Variants in MGAT4C observed in about 807,000 individuals in gnomAD.
MGAT4C encodes the protein MGAT4 family member C.
MGAT4C carries 19 observed loss-of-function variants against 40.1 expected under a neutral mutation model. The observed-to-expected ratio is 0.47, with a 90% CI of 0.33 to 0.70. The LOEUF (loss-of-function observed/expected upper bound fraction) is 0.70. Ranked by LOEUF, MGAT4C falls within the 30% of genes least tolerant of loss-of-function variation. The pLI, the probability that MGAT4C is intolerant of heterozygous loss-of-function variation, is 0.02. For synonymous variants in MGAT4C, 181 were observed against 187.1 expected (o/e 0.97, Z 0.27); for missense variants, 491 against 563.2 (o/e 0.87, Z 1.30).
intron 1 of MGAT4C, among the ~76,000 whole-genome samples, chr12:86,815,953 T>TA (rs1230078385): frequency 6.6e-6 from 1 of 151,816 alleles, no homozygotes; most frequent in Non-Finnish European, 1.5e-5. Flanking sequence ...CTAAAGAACT[T>TA]ACTCTTGTAA....
At chr12:86,485,120 C>CA (rs1239151079) in intron 2 of MGAT4C, among the ~76,000 whole-genome samples, 3 of 152,270 alleles carry the variant, frequency 2.0e-5, no homozygotes, top group African/African-American at 7.2e-5. Flanking sequence ...ATACTAAACT[C>CA]AAAGAACAAT....
Position 86,130,625 on chromosome 12 carries a change from A to T in MGAT4C, c.-56-80902T>A, listed in dbSNP as rs112621134. ...TACAAAGAGTAAATATAAGATTAAA[A>T]TATTAATTTAGACTCCAGTAGAAGT... On this transcript the variant is annotated intron_variant, in intron 1 of 4. Transcript: ENST00000611864. 6.4e-3 allele frequency among the ~76,000 whole-genome samples: 977 copies of T among 152,152 alleles called. 6 individuals are homozygous for T. Among genetic ancestry groups the T allele is most frequent in the African/African-American group, 0.023 (940 of 41,570 alleles).
intron 2 of MGAT4C, among the ~76,000 whole-genome samples, chr12:86,648,217 G>GA (rs1318561777): frequency 1.3e-5 from 2 of 151,842 alleles, no homozygotes; most frequent in African/African-American, 4.8e-5. Flanking sequence ...TTATTGTGGA[G>GA]AAAAAATATT....
intron 2 of MGAT4C, chr12:86,011,769 A>G (rs906292830): frequency 8.5e-5 from 75 of 884,572 alleles, no homozygotes; most frequent in Non-Finnish European, 9.9e-5. Context: ...AGGAATAAAC[A>G]CTATATTGAA....
At chr12:86,236,493 T>C (rs1951552037) in intron 1 of MGAT4C, among the ~76,000 whole-genome samples, 1 of 152,048 alleles carries the variant, frequency 6.6e-6, no homozygotes, top group Non-Finnish European at 1.5e-5. Context: ...GGCTTATAAC[T>C]ATTGTCCTAA....
In MGAT4C at chr12:85,989,423, A is replaced by G. The variant is rs751079600; in HGVS notation, c.124T>C (p.Tyr42His). The change falls in exon 3 of 5, where the codon TAC becomes CAC. Residue 42 changes from tyrosine (Y) to histidine (H), a missense_variant. By Grantham distance (83) the Tyr-to-His change is moderately conservative. Transcript: ENST00000611864. ...LVIFLLFMNLYIEDSYVLEGD... is the reference protein window; with the variant it reads ...LVIFLLFMNLHIEDSYVLEGD... ...ACCAGAACATAGCTATCTTCAATGT[A>G]CAAGTTCATAAAAAGGAGAAAAATG... The G allele has an allele frequency of 3.1e-6, 5 of 1,607,374 alleles. No homozygotes were observed. The highest frequency in any genetic ancestry group is 4.2e-6 in the Non-Finnish European group (5 of 1,176,994).
chr12:86,603,558 AGT>A (rs1241989103), intron 2 of MGAT4C, among the ~76,000 whole-genome samples: 9 of 103,766 alleles, frequency 8.7e-5, no homozygotes, highest in Middle Eastern at 0.014. Context: ...GATAATATAT[AGT>A]CTATAGACTA....
At chr12:86,288,317 G>T (rs1953408799) in intron 4 of MGAT4C, among the ~76,000 whole-genome samples, 1 of 152,032 alleles carries the variant, frequency 6.6e-6, no homozygotes, top group Middle Eastern at 3.4e-3. Flanking sequence ...TCTGATGATA[G>T]TTTCTTTTGC....
chr12:86,184,627 C>T (rs1279489484), intron 1 of MGAT4C, among the ~76,000 whole-genome samples: 1 of 75,280 alleles, frequency 1.3e-5, no homozygotes, highest in Non-Finnish European at 3.1e-5. Flanking sequence ...ATCACATTTT[C>T]TTTTTTTTTC....
chr12:86,535,291 C>T (rs918756299), intron 2 of MGAT4C, among the ~76,000 whole-genome samples: 5 of 152,024 alleles, frequency 3.3e-5, no homozygotes, highest in South Asian at 2.1e-4. Flanking sequence ...TTTCACACAT[C>T]ATAATTTTTG....
rs917023380 is a variant in MGAT4C at position 86,014,785 on chromosome 12, G to A, written c.-6-25233C>T. 9.2e-5 allele frequency among the ~76,000 whole-genome samples: 14 copies of A among 152,000 alleles called. No individual in the cohort carries two copies. In the East Asian group the frequency reaches 2.7e-3, roughly 29 times the overall value. ...TATGAAAAAAATGACAATGAGGAGC[G>A]CCAAGGAGTACTTGGGGACGTGGAG... On this transcript the variant is annotated intron_variant, in intron 2 of 4. Coordinates refer to ENST00000611864, the MANE Select transcript of MGAT4C (RefSeq NM_001351288.2).
At chr12:86,259,278 A>G (rs1190633714), upstream of MGAT4C, among the ~76,000 whole-genome samples, 1 of 152,074 alleles carries the variant, frequency 6.6e-6, no homozygotes, top group Non-Finnish European at 1.5e-5. Flanking sequence ...TTTGGAAAAA[A>G]GTCTGATGAT....
At chr12:86,602,040 C>T (rs1310082011) in intron 2 of MGAT4C, among the ~76,000 whole-genome samples, 3 of 152,342 alleles carry the variant, frequency 2.0e-5, no homozygotes, top group African/African-American at 7.2e-5. Flanking sequence ...CAGTAGCAGC[C>T]TCGCATGAAG....
At chr12:86,398,460 G>C (rs1305240221) in intron 3 of MGAT4C, among the ~76,000 whole-genome samples, 2 of 151,966 alleles carry the variant, frequency 1.3e-5, no homozygotes, top group African/African-American at 4.8e-5. Flanking sequence ...ACAGAGATAA[G>C]AACTTGATCA....
chr12:86,328,777 A>G (rs1954584847), intron 4 of MGAT4C, among the ~76,000 whole-genome samples: 1 of 152,146 alleles, frequency 6.6e-6, no homozygotes, highest in Non-Finnish European at 1.5e-5. Flanking sequence ...AAAATGTTAC[A>G]AGAAGTTAAA....
chr12:86,356,168 T>C (rs149375910), intron 3 of MGAT4C, among the ~76,000 whole-genome samples: 1 of 152,238 alleles, frequency 6.6e-6, no homozygotes, highest in African/African-American at 2.4e-5. Context: ...TGGATTAATA[T>C]ATTTTGAAAG....
chr12:86,035,953 G>A (rs1292249219), intron 2 of MGAT4C, among the ~76,000 whole-genome samples: 1 of 149,988 alleles, frequency 6.7e-6, no homozygotes, highest in Non-Finnish European at 1.5e-5. Context: ...TTTGGTACCA[G>A]TACCATGCTG....
At chr12:86,716,967 T>C (rs564486378) in intron 2 of MGAT4C, among the ~76,000 whole-genome samples, 3 of 152,132 alleles carry the variant, frequency 2.0e-5, no homozygotes, top group Non-Finnish European at 4.4e-5. Flanking sequence ...GTCATTGTAG[T>C]AGTGATAGAT....
intron 1 of MGAT4C, among the ~76,000 whole-genome samples, chr12:86,130,381 C>A (rs1268950897): frequency 6.6e-6 from 1 of 151,864 alleles, no homozygotes; most frequent in Non-Finnish European, 1.5e-5. Context: ...GCTCACAATA[C>A]AATTTTAGAA....
Sources: gnomAD v4.1 joint callset for allele counts (sites outside exome capture counted in the v4.1 genomes callset) on GRCh38, gnomAD v4.1.1 for gene constraint, MANE v1.5 for transcripts, NCBI Gene and HGNC (gene_info 2026-07-23, HGNC 2026-07-21) for gene names.